VWC2L: variants seen among roughly 807,000 people sequenced by gnomAD.
VWC2L encodes the protein von Willebrand factor C domain containing 2 like.
Under a neutral mutation model 21.6 loss-of-function variants are expected in VWC2L, and 10 were observed. The observed-to-expected ratio is 0.46, with a 90% confidence interval of 0.29 to 0.78. The LOEUF is 0.78. Among genes scored for constraint, VWC2L ranks in the 30% least tolerant of loss-of-function variants. The pLI, the probability that VWC2L is intolerant of heterozygous loss-of-function variation, is 0.10. For missense variants in VWC2L, 209 were observed against 277.1 expected, an observed-to-expected ratio of 0.75 and a Z score of 1.74; for synonymous variants, 96 against 94.3, an observed-to-expected ratio of 1.02 and a Z score of -0.10.
chr2:214,422,590 A>G (rs1387736089), intron 2 of VWC2L, among the ~76,000 whole-genome samples: 1 of 152,162 alleles, frequency 6.6e-6, no homozygotes, highest in Admixed American at 6.5e-5. Context: ...GCTTTCTCAA[A>G]CAATAGGCAT....
chr2:214,561,784 T>TTATATATATA lies in VWC2L; in HGVS notation c.521-13871_521-13862dup, dbSNP rs67223012. Among the ~76,000 whole-genome samples the TTATATATATA allele has an allele frequency of 2.8e-3, 357 of 128,476 alleles. 2 individuals carry two copies. The highest frequency in any genetic ancestry group is 0.012 in the African/African-American group (343 of 29,464). 84.3% of individuals were successfully genotyped at this position (128,476 alleles called of 152,430 possible). Reference sequence around the variant, plus strand: ...GAGTAATACCTTATCTCAAAAAAAATTATATATATATATATATATATATAT... The same window carrying TTATATATATA: ...GAGTAATACCTTATCTCAAAAAAAATTATATATATATATATATATATATATATATATATAT... On this transcript the variant is annotated intron_variant, in intron 3 of 3. Coordinates refer to ENST00000312504, the MANE Select transcript of VWC2L (RefSeq NM_001080500.4).
intron 3 of VWC2L, among the ~76,000 whole-genome samples, chr2:214,491,372 C>T (rs79967664): frequency 0.015 from 2,230 of 152,024 alleles, 62 homozygotes; most frequent in African/African-American, 0.05. Flanking sequence ...ATATTGAGGA[C>T]GCAGAGCACG....
chr2:214,531,396 C>G (rs568996832), intron 3 of VWC2L, among the ~76,000 whole-genome samples: 13 of 152,258 alleles, frequency 8.5e-5, no homozygotes, highest in African/African-American at 3.1e-4. Context: ...TTCCTTAGTA[C>G]AGGAGTCCTT....
intron 2 of VWC2L, among the ~76,000 whole-genome samples, chr2:214,417,724 A>C (rs1702378598): frequency 6.6e-6 from 1 of 152,202 alleles, no homozygotes; most frequent in Non-Finnish European, 1.5e-5. Context: ...CTGGGCCAAA[A>C]TATTTAGATT....
intron 2 of VWC2L, among the ~76,000 whole-genome samples, chr2:214,423,501 T>G (rs1702473949): frequency 6.6e-6 from 1 of 152,178 alleles, no homozygotes; most frequent in Admixed American, 6.5e-5. Flanking sequence ...ACCAGCTCAT[T>G]TGCATCTTCT....
intron 3 of VWC2L, among the ~76,000 whole-genome samples, chr2:214,563,510 G>T (rs367833412): frequency 7.7e-6 from 1 of 130,326 alleles, no homozygotes; most frequent in East Asian, 2.3e-4. Context: ...TCCTGCCACT[G>T]CACTCCAGCC....
At chr2:214,492,791 TAACA>T (rs540114558) in intron 3 of VWC2L, among the ~76,000 whole-genome samples, 22 of 152,188 alleles carry the variant, frequency 1.4e-4, no homozygotes, top group Non-Finnish European at 2.6e-4. Flanking sequence ...TTTGCTGCTA[TAACA>T]AACAAACCCC....
At chr2:214,430,016 G>A (rs1233436687) in intron 2 of VWC2L, among the ~76,000 whole-genome samples, 3 of 152,000 alleles carry the variant, frequency 2.0e-5, no homozygotes, top group African/African-American at 4.8e-5. Flanking sequence ...TACAGGTGGG[G>A]TTTCACCATG....
chr2:214,526,050 CCA>C (rs1443527299), intron 3 of VWC2L, among the ~76,000 whole-genome samples: 4 of 150,550 alleles, frequency 2.7e-5, no homozygotes, highest in Non-Finnish European at 5.9e-5. Flanking sequence ...TTTTATTTTC[CCA>C]GTCATACCAA....
chr2:214,413,544 C>T (rs1702308940), intron 1 of VWC2L, among the ~76,000 whole-genome samples: 1 of 152,138 alleles, frequency 6.6e-6, no homozygotes, highest in Non-Finnish European at 1.5e-5. Flanking sequence ...AAACAGGTAA[C>T]TGATGTTGAC....
intron 2 of VWC2L, among the ~76,000 whole-genome samples, chr2:214,423,848 G>C (rs941713480): frequency 2.0e-5 from 3 of 151,950 alleles, no homozygotes; most frequent in African/African-American, 7.3e-5. Context: ...ATGTAACAAA[G>C]GAGCAAAATT....
At chr2:214,451,864 ATAAT>A (rs1452193806) in intron 3 of VWC2L, among the ~76,000 whole-genome samples, 3 of 152,220 alleles carry the variant, frequency 2.0e-5, no homozygotes, top group Non-Finnish European at 4.4e-5. Flanking sequence ...TCATTTTTAA[ATAAT>A]TCTATCGAGA....
chr2:214,506,237 G>A (rs753573828), intron 3 of VWC2L, among the ~76,000 whole-genome samples: 2 of 152,082 alleles, frequency 1.3e-5, no homozygotes, highest in Non-Finnish European at 2.9e-5. Context: ...AATCAAACAA[G>A]TATATAGATG....
chr2:214,454,598 C>T (rs371975411), intron 3 of VWC2L, among the ~76,000 whole-genome samples: 824 of 63,438 alleles, frequency 0.013, 1 homozygote, highest in Middle Eastern at 0.056. Flanking sequence ...GATTGATTTT[C>T]TTTTTTTTTT....
In VWC2L at chr2:214,561,851, A is replaced by G. The variant is rs369618255; in HGVS notation, c.521-13821A>G. Among the ~76,000 whole-genome samples the G allele has an allele frequency of 1.4e-4, 20 of 143,192 alleles. No individual in the cohort carries two copies. In the East Asian group the frequency reaches 4.0e-3, roughly 29 times the overall value. The allele number at this position is 143,192 out of a possible 152,430, so 93.9% of individuals were successfully genotyped here. ...TTTTATATATATAATTTTTCATATA[A>G]TTTTATGTATATATCTAAATTTAAT... On this transcript the variant is annotated intron_variant, in intron 3 of 3. Coordinates refer to ENST00000312504, the MANE Select transcript of VWC2L (RefSeq NM_001080500.4).
intron 2 of VWC2L, among the ~76,000 whole-genome samples, chr2:214,431,675 G>T (rs1702603049): frequency 6.6e-6 from 1 of 152,222 alleles, no homozygotes; most frequent in Admixed American, 6.5e-5. Context: ...TTTGGGAAAT[G>T]GACATGTTTA....
intron 2 of VWC2L, among the ~76,000 whole-genome samples, chr2:214,416,517 T>G (rs1423711256): frequency 6.6e-6 from 1 of 152,078 alleles, no homozygotes; most frequent in Admixed American, 6.6e-5. Context: ...TAAAGAGTTT[T>G]AGAGACTATA....
chr2:214,452,251 G>A lies in VWC2L; in HGVS notation c.520+15493G>A, dbSNP rs187347893. 2.0e-5 allele frequency among the ~76,000 whole-genome samples: 3 copies of A among 152,208 alleles called. No homozygotes were observed. The East Asian group carries it at 5.8e-4, about 29-fold the overall frequency. On this transcript the variant is annotated intron_variant, in intron 3 of 3. Transcript: ENST00000312504. ...GCTCACTGCAGCCTCAACCTCCTGG[G>A]CTCAGATGATCCTCCCACCTCAGCC... is the stretch of plus-strand genomic sequence containing the variant.
At chr2:214,470,599 G>T (rs1703290615) in intron 3 of VWC2L, among the ~76,000 whole-genome samples, 1 of 152,042 alleles carries the variant, frequency 6.6e-6, no homozygotes, top group Non-Finnish European at 1.5e-5. Flanking sequence ...GCCTTTGTTT[G>T]AAACCTCCTA....
Sources: allele counts gnomAD v4.1 joint callset (sites outside exome capture counted in the v4.1 genomes callset), GRCh38; gene constraint gnomAD v4.1.1; transcripts MANE v1.5; gene names NCBI Gene and HGNC (gene_info 2026-07-23, HGNC 2026-07-21).